The following GNAQ variants were observed in gnomAD, a reference collection of about 807,000 sequenced individuals.
GNAQ encodes G protein subunit alpha q.
Under a neutral mutation model 43.9 loss-of-function variants are expected in GNAQ, and 8 were observed. The ratio of observed to expected loss-of-function variants is 0.18; its 90% CI spans 0.11 to 0.33. The LOEUF is 0.33. GNAQ is among the 10% of genes least tolerant of loss of function. The pLI, the probability that GNAQ is intolerant of heterozygous loss-of-function variation, is 1.00. For synonymous variants in GNAQ, 155 were observed against 170.7 expected (o/e 0.91, Z 0.71); for missense variants, 158 against 450.8 (o/e 0.35, Z 5.88).
chr9:77,903,097 G>A (rs1310393114), intron 2 of GNAQ, among the ~76,000 whole-genome samples: 3 of 152,126 alleles, frequency 2.0e-5, no homozygotes, highest in East Asian at 1.9e-4. Flanking sequence ...CAGGGCAGGG[G>A]TGGGAAGAGC....
At chr9:77,809,400 G>A (rs1826879062) in intron 3 of GNAQ, among the ~76,000 whole-genome samples, 1 of 152,146 alleles carries the variant, frequency 6.6e-6, no homozygotes, top group Non-Finnish European at 1.5e-5. Context: ...TAATGTCAGG[G>A]AGCTTTTGGT....
At chr9:77,943,227 AG>A (rs1333982143) in intron 1 of GNAQ, among the ~76,000 whole-genome samples, 1 of 152,240 alleles carries the variant, frequency 6.6e-6, no homozygotes, top group Non-Finnish European at 1.5e-5. Flanking sequence ...GGCTCCCCTC[AG>A]GGGTTTTGGT....
chr9:77,731,110 G>C (rs1023605293), intron 5 of GNAQ, among the ~76,000 whole-genome samples: 10 of 152,134 alleles, frequency 6.6e-5, no homozygotes, highest in African/African-American at 2.2e-4. Flanking sequence ...GAGAAGGGGC[G>C]TGATGGGCTC....
rs1038105629 is a variant in GNAQ at position 77,922,078 on chromosome 9, T to G, written c.321+83A>C. 3.4e-6 allele frequency: 3 copies of G among 881,062 alleles called. No homozygotes were observed. The African/African-American group carries it at 4.9e-5, about 14-fold the overall frequency. The allele number at this position is 881,062 out of a possible 1,614,324, so 54.6% of individuals were successfully genotyped here. A position where few individuals can be genotyped will look rare whatever the true frequency, so the allele number is the denominator to read the frequency against. ...CAAACCCCCCTATGCACTCCAGACA[T>G]GTCAAGAGGCTACTCGTGTTGTCAC... On this transcript the variant is annotated intron_variant, in intron 2 of 6. Coordinates refer to ENST00000286548, the MANE Select transcript of GNAQ (RefSeq NM_002072.5).
chr9:77,760,476 C>G (rs533536524), intron 5 of GNAQ, among the ~76,000 whole-genome samples: 7 of 152,082 alleles, frequency 4.6e-5, no homozygotes, highest in East Asian at 1.9e-4. Flanking sequence ...CTGGAGGTGC[C>G]GGGATTGCAG....
At chr9:77,790,122 A>G (rs1019864558) in intron 5 of GNAQ, among the ~76,000 whole-genome samples, 2 of 152,206 alleles carry the variant, frequency 1.3e-5, no homozygotes, top group African/African-American at 4.8e-5. Context: ...ATCCAAGCCA[A>G]GTGTACCAAA....
intron 3 of GNAQ, among the ~76,000 whole-genome samples, chr9:77,803,848 A>T (rs765713196): frequency 1.1e-4 from 16 of 152,224 alleles, no homozygotes; most frequent in Admixed American, 2.0e-4. Context: ...TGCATGAAAG[A>T]CTTAACAGAA....
intron 5 of GNAQ, among the ~76,000 whole-genome samples, chr9:77,734,867 C>A (rs1438398583): frequency 6.6e-6 from 1 of 152,168 alleles, no homozygotes; most frequent in African/African-American, 2.4e-5. Flanking sequence ...ATAAAGTCGA[C>A]TGCTCAGTAA....
chr9:77,733,184 T>C (rs550776165), intron 5 of GNAQ, among the ~76,000 whole-genome samples: 4 of 152,176 alleles, frequency 2.6e-5, no homozygotes, highest in Non-Finnish European at 5.9e-5. Context: ...AGCAGGATGG[T>C]GTGATCCCTG....
Position 77,728,505 on chromosome 9 carries a change from C to T in GNAQ, c.889+9G>A. On this transcript the variant is annotated intron_variant, in intron 6 of 6. Transcript: ENST00000286548. The stretch of plus-strand genomic sequence containing the variant: ...CAGCTACTGAGCTGTGGTATGAGTG[C>T]TGACTTACCATCATATTCTGGGAAG... The T allele has an allele frequency of 1.3e-6, 2 of 1,593,120 alleles. No homozygotes were observed. The highest frequency in any genetic ancestry group is 1.7e-6 in the Non-Finnish European group (2 of 1,162,598).
intron 5 of GNAQ, among the ~76,000 whole-genome samples, chr9:77,762,687 C>T (rs960677103): frequency 4.6e-5 from 7 of 151,490 alleles, no homozygotes; most frequent in African/African-American, 7.3e-5. Context: ...ATTGAGAAAT[C>T]GGATGGTTGC....
At chr9:77,826,320 T>C (rs1346560296) in intron 2 of GNAQ, among the ~76,000 whole-genome samples, 2 of 151,916 alleles carry the variant, frequency 1.3e-5, no homozygotes, top group Non-Finnish European at 2.9e-5. Context: ...GGTGTCCTTG[T>C]TGTGTGCTTT....
chr9:77,756,382 C>T (rs1825904129), intron 5 of GNAQ, among the ~76,000 whole-genome samples: 1 of 152,194 alleles, frequency 6.6e-6, no homozygotes, highest in African/African-American at 2.4e-5. Context: ...TCTGGTCTGC[C>T]CCTATGGCAC....
At chr9:77,821,755 G>GTGTGTGTA (rs1479229401) in intron 2 of GNAQ, among the ~76,000 whole-genome samples, 1 of 151,188 alleles carries the variant, frequency 6.6e-6, no homozygotes, top group Non-Finnish European at 1.5e-5. Context: ...GTGTGTGTGT[G>GTGTGTGTA]TGTATGTATG....
intron 1 of GNAQ, among the ~76,000 whole-genome samples, chr9:78,003,756 C>T (rs1051448912): frequency 6.7e-6 from 1 of 150,038 alleles, no homozygotes; most frequent in Middle Eastern, 3.2e-3. Flanking sequence ...GCAGAGGTTG[C>T]AGTCAGCCTA....
In GNAQ at chr9:77,797,687, C is replaced by T. The variant is rs77192659; in HGVS notation, c.477-39G>A. On this transcript the variant is annotated intron_variant, in intron 3 of 6. Transcript: ENST00000286548. ...GACACAATGAGAATGTCAGTGACAC[C>T]ATCACACCAAAGCTGTCTACGGAAA... 4,942 of 1,602,110 alleles carry T rather than the reference C, an allele frequency of 3.1e-3. 62 individuals are homozygous for T. In the African/African-American group the frequency reaches 0.036, roughly 12 times the overall value.
intron 1 of GNAQ, among the ~76,000 whole-genome samples, chr9:78,013,419 C>T (rs1178227407): frequency 4.0e-5 from 6 of 151,510 alleles, no homozygotes; most frequent in African/African-American, 7.3e-5. Flanking sequence ...CCCATTAACT[C>T]GTTATTTAAC....
chr9:77,876,528 T>C (rs951752690), intron 2 of GNAQ, among the ~76,000 whole-genome samples: 3 of 152,256 alleles, frequency 2.0e-5, no homozygotes, highest in African/African-American at 7.2e-5. Context: ...TTGTTGTTGC[T>C]GCTGTTTTAA....
intron 2 of GNAQ, among the ~76,000 whole-genome samples, chr9:77,831,481 C>A (rs1291158578): frequency 6.6e-6 from 1 of 152,036 alleles, no homozygotes; most frequent in Non-Finnish European, 1.5e-5. Context: ...CGATGGCCAC[C>A]CACCAGAAGT....
Sources: gnomAD v4.1 joint callset for allele counts (sites outside exome capture counted in the v4.1 genomes callset) on GRCh38, gnomAD v4.1.1 for gene constraint, MANE v1.5 for transcripts, NCBI Gene and HGNC (gene_info 2026-07-23, HGNC 2026-07-21) for gene names.